The following NOX3 variants were observed in gnomAD, a reference collection of about 807,000 sequenced individuals.
NOX3 encodes the protein NADPH oxidase 3, also known as NADPH oxidase catalytic subunit-like 3.
Under a neutral mutation model 76.7 loss-of-function variants are expected in NOX3, and 74 were observed. That is an observed-to-expected ratio of 0.96 (90% confidence interval 0.80 to 1.17). The LOEUF is 1.17. Ranked by LOEUF, NOX3 falls within the 50% of genes most tolerant of loss-of-function variation. The pLI is 0.00. For missense variants in NOX3, 695 were observed against 703.3 expected, an observed-to-expected ratio of 0.99 and a Z score of 0.13; for synonymous variants, 263 against 261.1, an observed-to-expected ratio of 1.01 and a Z score of -0.07.
Position 155,428,849 on chromosome 6 carries a change from G to A in NOX3, c.1090C>T (p.Leu364=). ...TGTCCCTCTGCCCCAAAGGCCTCCAGTAGCGCTGCTGTCCAGTCTCCTGCT... is the reference window on the plus strand; with the variant it reads ...TGTCCCTCTGCCCCAAAGGCCTCCAATAGCGCTGCTGTCCAGTCTCCTGCT... ...RAAGDWTAAL[L]EAFGAEGQAL... is the part of the protein sequence containing the mutation. The change falls in exon 9 of 14, where the codon CTG becomes TTG. Residue 364 remains leucine (L), a synonymous_variant. Transcript: ENST00000159060. 6.2e-7 allele frequency: 1 copy of A among 1,601,890 alleles called. No homozygotes were observed. The highest frequency in any genetic ancestry group is 8.5e-7 in the Non-Finnish European group (1 of 1,171,710).
In NOX3 at chr6:155,446,169, T is replaced by G. The variant is rs138792933; in HGVS notation, c.341-2751A>C. Among the ~76,000 whole-genome samples the G allele has an allele frequency of 8.3e-4, 126 of 151,976 alleles. 1 individual carries two copies. The highest frequency in any genetic ancestry group is 3.0e-3 in the African/African-American group (124 of 41,448). ...GTTAGCACCCACGAAGTACTATGTT[T>G]CCTCCCTAGGTGCTTTGTCAAAATA... On this transcript the variant is annotated intron_variant, in intron 4 of 13. Coordinates refer to ENST00000159060, the MANE Select transcript of NOX3 (RefSeq NM_015718.3).
At chr6:155,447,317 G>A (rs538393555) in intron 4 of NOX3, among the ~76,000 whole-genome samples, 15 of 152,230 alleles carry the variant, frequency 9.9e-5, no homozygotes, top group African/African-American at 1.4e-4. Context: ...GATTACAGGC[G>A]TGAGCCACCA....
chr6:155,414,774 T>C (rs569165206), intron 10 of NOX3, among the ~76,000 whole-genome samples: 1 of 152,108 alleles, frequency 6.6e-6, no homozygotes, highest in Non-Finnish European at 1.5e-5. Context: ...ATTACAGGCA[T>C]GTGCCACCAT....
chr6:155,445,997 A>ATAAT lies in NOX3; in HGVS notation c.341-2580_341-2579insATTA, dbSNP rs1554264832. 1.4e-3 allele frequency among the ~76,000 whole-genome samples: 91 copies of ATAAT among 65,544 alleles called. 1 individual carries two copies. Among genetic ancestry groups the ATAAT allele is most frequent in the East Asian group, 2.5e-3 (10 of 3,996 alleles). 43.0% of individuals were successfully genotyped at this position (65,544 alleles called of 152,430 possible). On this transcript the variant is annotated intron_variant, in intron 4 of 13. Transcript: ENST00000159060. ...ATATATATGCTATATATATATATAT[A>ATAAT]ATATATATATATTGCACATTTTTCT...
chr6:155,396,863 A>T lies in NOX3; in HGVS notation c.1680T>A (p.His560Gln). 1 of 1,612,370 alleles carries T rather than the reference A, an allele frequency of 6.2e-7. No homozygotes were observed. The highest frequency in any genetic ancestry group is 8.5e-7 in the Non-Finnish European group (1 of 1,178,920). ...LYSSADPRGVHFYYNKESF is the reference protein window; with the variant it reads ...LYSSADPRGVQFYYNKESF ...AGAAGCTCTCCTTGTTGTAATAGAA[A>T]TGAACACCTCTGGGGTCAGCTGATG... is the stretch of plus-strand genomic sequence containing the variant. The change falls in exon 13 of 14, where the codon CAT (histidine) becomes CAA (glutamine). Residue 560 changes from histidine to glutamine, a missense_variant. Physicochemically the swap from His to Gln is conservative, Grantham distance 24. Transcript: ENST00000159060.
At chr6:155,412,235 T>G (rs1776560755) in intron 10 of NOX3, among the ~76,000 whole-genome samples, 1 of 152,164 alleles carries the variant, frequency 6.6e-6, no homozygotes, top group Non-Finnish European at 1.5e-5. Flanking sequence ...TTCCAGCTGC[T>G]GCCTGGTAAA....
At chr6:155,445,869 CATATAT>C (rs60572257) in intron 4 of NOX3, among the ~76,000 whole-genome samples, 7 of 136,408 alleles carry the variant, frequency 5.1e-5, no homozygotes, top group African/African-American at 1.9e-4. Context: ...CTGACATATA[CATATAT>C]ATATATATAT....
At chr6:155,402,079 A>G (rs977422677) in intron 12 of NOX3, among the ~76,000 whole-genome samples, 5 of 152,188 alleles carry the variant, frequency 3.3e-5, no homozygotes, top group Non-Finnish European at 7.4e-5. Flanking sequence ...CATTCTGTCT[A>G]CCTTCTTGGA....
chr6:155,434,512 C>A (rs1054840446), intron 7 of NOX3, among the ~76,000 whole-genome samples: 42 of 152,126 alleles, frequency 2.8e-4, no homozygotes. Context: ...TTGGACCGAG[C>A]AAAGGAATCC....
At chr6:155,450,159 C>G (rs953381018) in intron 4 of NOX3, among the ~76,000 whole-genome samples, 1 of 151,870 alleles carries the variant, frequency 6.6e-6, no homozygotes, top group Non-Finnish European at 1.5e-5. Flanking sequence ...GCTGGGGGAG[C>G]CCCAGGAGAT....
At position 155,440,088 on chromosome 6, in the gene NOX3, AC is replaced by A. The variant is rs868817597; in HGVS notation, c.535del (p.Val179Ter). The A allele has an allele frequency of 6.2e-7, 1 of 1,613,868 alleles. No homozygotes were observed. The highest frequency in any genetic ancestry group is 8.5e-7 in the Non-Finnish European group (1 of 1,179,876). ...LRTIAGVTGLVISLALVLIMT... is the reference protein window; with the variant it reads ...LRTIAGVTGLXISLALVLIMT... ...GATCAAGACTAAAGCCAGAGAGATC[AC>A]CAGACCGGTGACGCCTGCTATTGTC... On this transcript the variant is annotated frameshift_variant, in exon 6 of 14. Transcript: ENST00000159060. LOFTEE classifies it high-confidence loss of function.
chr6:155,429,066 G>A lies in NOX3; in HGVS notation c.892-19C>T, dbSNP rs751161819. ...TTACCACCTATGTGAGAGTGAGAGA[G>A]TTGTTTGCCTTTGTCCTCGAAATAA... On this transcript the variant is annotated intron_variant, in intron 8 of 13. Coordinates refer to ENST00000159060, the MANE Select transcript of NOX3 (RefSeq NM_015718.3). 2.4e-5 allele frequency: 36 copies of A among 1,518,620 alleles called. No individual in the cohort carries two copies. The Admixed American group carries it at 7.0e-4, about 30-fold the overall frequency. 94.1% of individuals were successfully genotyped at this position (1,518,620 alleles called of 1,614,324 possible).
intron 10 of NOX3, among the ~76,000 whole-genome samples, chr6:155,419,864 A>G (rs1315777656): frequency 6.6e-6 from 1 of 152,148 alleles, no homozygotes; most frequent in African/African-American, 2.4e-5. Context: ...AAATCATTGA[A>G]GAATTTTTTT....
chr6:155,414,379 A>G (rs1488822042), intron 10 of NOX3, among the ~76,000 whole-genome samples: 1 of 152,158 alleles, frequency 6.6e-6, no homozygotes, highest in Non-Finnish European at 1.5e-5. Context: ...GTGCTTTCCA[A>G]TGCTCACCCC....
At chr6:155,395,789 G>A (rs371517609) in intron 13 of NOX3, among the ~76,000 whole-genome samples, 10 of 152,038 alleles carry the variant, frequency 6.6e-5, no homozygotes, top group South Asian at 4.1e-4. Context: ...AAAGACTGGC[G>A]CAATGGGAAT....
At chr6:155,413,271 G>A (rs1333011436) in intron 10 of NOX3, among the ~76,000 whole-genome samples, 1 of 152,160 alleles carries the variant, frequency 6.6e-6, no homozygotes, top group Non-Finnish European at 1.5e-5. Context: ...GGTCCTGAGT[G>A]AGACCTTTCC....
At chr6:155,416,774 G>A (rs1582932468) in intron 10 of NOX3, among the ~76,000 whole-genome samples, 1 of 85,946 alleles carries the variant, frequency 1.2e-5, no homozygotes, top group Middle Eastern at 7.4e-3. Flanking sequence ...TTTTTGAGAC[G>A]GAGTCTCGCG....
chr6:155,404,949 T>A (rs1776427148), intron 12 of NOX3, among the ~76,000 whole-genome samples: 1 of 152,136 alleles, frequency 6.6e-6, no homozygotes, highest in African/African-American at 2.4e-5. Flanking sequence ...GGGAGTCTAA[T>A]GAATTCCATG....
chr6:155,453,041 C>T (rs1777167611), intron 4 of NOX3, among the ~76,000 whole-genome samples: 1 of 152,064 alleles, frequency 6.6e-6, no homozygotes, highest in Non-Finnish European at 1.5e-5. Flanking sequence ...AGTCATTTTC[C>T]TACGACTGTG....
Sources: gnomAD v4.1 joint callset for allele counts (sites outside exome capture counted in the v4.1 genomes callset) on GRCh38, gnomAD v4.1.1 for gene constraint, MANE v1.5 for transcripts, NCBI Gene and HGNC (gene_info 2026-07-23, HGNC 2026-07-21) for gene names.